The following PRELID2 variants were observed in gnomAD, a reference collection of about 807,000 sequenced individuals.
PRELID2 encodes the protein PRELI domain containing 2.
PRELID2 carries 25 observed loss-of-function variants against 28.4 expected under a neutral mutation model. The observed-to-expected ratio is 0.88, with a 90% CI of 0.64 to 1.23. The LOEUF (loss-of-function observed/expected upper bound fraction) is 1.23. PRELID2 is among the 50% of genes most tolerant of loss of function. The probability of loss-of-function intolerance (pLI) is 0.00; values close to 1 mark genes in which losing one functional copy is unlikely to be tolerated. For missense variants in PRELID2, 201 were observed against 214.4 expected (o/e 0.94, Z 0.39); for synonymous variants, 76 against 71.6 (o/e 1.06, Z -0.31).
the PRELID2 span, among the ~76,000 whole-genome samples, chr5:145,447,086 A>AAATAAATAAATAAAT: frequency 2.7e-3 from 191 of 69,572 alleles, no homozygotes; most frequent in African/African-American, 8.9e-3. Context: ...AATAAATAAA[A>AAATAAATAAATAAAT]ATTTAAAAAT....
rs117128390 is a variant in PRELID2, at chr5:145,523,158, G to A, written n.71-49843C>T. Among the ~76,000 whole-genome samples, 96 of 152,238 alleles carry A rather than the reference G, an allele frequency of 6.3e-4. No homozygotes were observed. The East Asian group carries it at 9.6e-3, about 15-fold the overall frequency. On this transcript the variant is annotated intron_variant and non_coding_transcript_variant, in intron 1 of 2. Transcript: ENST00000510259. ...CTGAGTATCACGTGCCCTGGGATAC[G>A]ATTTATATGACTCAGAAAGTGGTTC...
At chr5:145,809,694 G>T (rs1406070659) in intron 4 of PRELID2, among the ~76,000 whole-genome samples, 1 of 152,224 alleles carries the variant, frequency 6.6e-6, no homozygotes, top group African/African-American at 2.4e-5. Flanking sequence ...GAGTGTAGAA[G>T]AATAATCTTG....
At chr5:145,513,548 G>A (rs1317077711) in intron 1 of PRELID2, among the ~76,000 whole-genome samples, 2 of 152,142 alleles carry the variant, frequency 1.3e-5, no homozygotes, top group Non-Finnish European at 1.5e-5. Context: ...ATGAAACCCA[G>A]TGGGAAAACA....
chr5:145,305,703 C>A, the PRELID2 span, among the ~76,000 whole-genome samples: 139 of 152,168 alleles, frequency 9.1e-4, 3 homozygotes, highest in East Asian at 0.023. Flanking sequence ...GCAGAACTTA[C>A]ACACACACAT....
the PRELID2 span, among the ~76,000 whole-genome samples, chr5:145,281,803 T>C: frequency 1.3e-5 from 2 of 152,228 alleles, no homozygotes; most frequent in African/African-American, 4.8e-5. Context: ...TAGAATTGTA[T>C]GGACTTGGGT....
At chr5:145,570,072 T>C (rs1753003772) in intron 1 of PRELID2, among the ~76,000 whole-genome samples, 1 of 152,174 alleles carries the variant, frequency 6.6e-6, no homozygotes. Flanking sequence ...GGCATCATCA[T>C]CCAGATCTCT....
In PRELID2 at chr5:145,669,705, T is replaced by C. The variant is rs571301569; in HGVS notation, n.70+95226A>G. 2.0e-5 allele frequency among the ~76,000 whole-genome samples: 3 copies of C among 152,284 alleles called. No individual in the cohort carries two copies. The East Asian group carries it at 5.8e-4, about 29-fold the overall frequency. On this transcript the variant is annotated intron_variant and non_coding_transcript_variant, in intron 1 of 2. Transcript: ENST00000510259. ...CAACCATGCATGTTTGCCTCCTGCC[T>C]ATCTCTCCAGTAGCCTCTCTCTGTG...
At chr5:145,301,688 G>A in the PRELID2 span, among the ~76,000 whole-genome samples, 3 of 152,112 alleles carry the variant, frequency 2.0e-5, no homozygotes, top group African/African-American at 4.8e-5. Flanking sequence ...TGTATATGGT[G>A]TGAAGTAGGA....
chr5:145,420,764 A>G, the PRELID2 span, among the ~76,000 whole-genome samples: 1 of 84,292 alleles, frequency 1.2e-5, no homozygotes, highest in Non-Finnish European at 2.5e-5. Flanking sequence ...AACTTCCAAC[A>G]CTATGTTGAA....
intron 1 of PRELID2, among the ~76,000 whole-genome samples, chr5:145,704,921 G>A (rs1335428908): frequency 1.3e-5 from 2 of 152,222 alleles, no homozygotes; most frequent in African/African-American, 2.4e-5. Flanking sequence ...GGAGCTGAGA[G>A]TCATGACTGC....
At chr5:145,413,581 C>A in the PRELID2 span, among the ~76,000 whole-genome samples, 1 of 150,878 alleles carries the variant, frequency 6.6e-6, no homozygotes, top group South Asian at 2.1e-4. Context: ...CAGCCTAAAT[C>A]CCCATCAACC....
At chr5:145,595,954 G>A (rs1168651294) in intron 1 of PRELID2, among the ~76,000 whole-genome samples, 1 of 151,872 alleles carries the variant, frequency 6.6e-6, no homozygotes, top group Non-Finnish European at 1.5e-5. Flanking sequence ...AGCCAGGTGT[G>A]GTGGCACACA....
At chr5:145,696,395 C>T (rs961583931) in intron 1 of PRELID2, among the ~76,000 whole-genome samples, 2 of 152,016 alleles carry the variant, frequency 1.3e-5, no homozygotes, top group South Asian at 4.1e-4. Context: ...ACCTTTCATT[C>T]GTTCGTTCAT....
At chr5:145,701,190 T>G (rs565768075) in intron 1 of PRELID2, among the ~76,000 whole-genome samples, 1 of 152,314 alleles carries the variant, frequency 6.6e-6, no homozygotes, top group Non-Finnish European at 1.5e-5. Flanking sequence ...AAGAGATTAT[T>G]TAAAATGTAG....
chr5:145,834,143 C>T (rs1755781719), intron 1 of PRELID2, among the ~76,000 whole-genome samples: 1 of 152,118 alleles, frequency 6.6e-6, no homozygotes, highest in Non-Finnish European at 1.5e-5. Flanking sequence ...TGTAGTAATA[C>T]AAACAACAAT....
chr5:145,448,666 G>A, the PRELID2 span, among the ~76,000 whole-genome samples: 1 of 152,128 alleles, frequency 6.6e-6, no homozygotes, highest in African/African-American at 2.4e-5. Context: ...TGGAGCATGG[G>A]CTCTGGAGTT....
At chr5:145,238,002 C>A in the PRELID2 span, among the ~76,000 whole-genome samples, 1 of 152,038 alleles carries the variant, frequency 6.6e-6, no homozygotes. Context: ...TGGAACGGGG[C>A]ATATTTCATG....
chr5:145,558,393 C>G (rs1752899093), intron 1 of PRELID2, among the ~76,000 whole-genome samples: 1 of 152,216 alleles, frequency 6.6e-6, no homozygotes, highest in Non-Finnish European at 1.5e-5. Context: ...CACATATGTG[C>G]ATGGATAACC....
intron 1 of PRELID2, among the ~76,000 whole-genome samples, chr5:145,640,829 CAACAG>C (rs889815136): frequency 2.0e-5 from 3 of 152,024 alleles, no homozygotes; most frequent in African/African-American, 4.8e-5. Context: ...AATAAACAAT[CAACAG>C]AACAGAACAG....
Sources: allele counts gnomAD v4.1 joint callset (sites outside exome capture counted in the v4.1 genomes callset), GRCh38; gene constraint gnomAD v4.1.1; transcripts MANE v1.5; gene names NCBI Gene and HGNC (gene_info 2026-07-23, HGNC 2026-07-21).